The following ABCA13 variants were observed in gnomAD, a reference collection of about 807,000 sequenced individuals.
The protein encoded by ABCA13 is ATP binding cassette subfamily A member 13, also known as ATP-binding cassette sub-family A member 13.
A neutral mutation model predicts 478.7 loss-of-function variants in ABCA13; 476 were observed. The observed-to-expected ratio is 0.99, with a 90% CI of 0.92 to 1.07. The LOEUF (loss-of-function observed/expected upper bound fraction) is 1.07, where lower values mean the gene tolerates loss of function less well. ABCA13 is among the 50% of genes least tolerant of loss of function. The probability of loss-of-function intolerance (pLI) is 0.00; values close to 1 mark genes in which losing one functional copy is unlikely to be tolerated. For synonymous variants in ABCA13, 2,252 were observed against 2,158.9 expected, an observed-to-expected ratio of 1.04 and a Z score of -1.20; for missense variants, 6,060 against 5,910.6, an observed-to-expected ratio of 1.03 and a Z score of -0.83.
rs1465959879 is a variant in ABCA13, at chr7:48,646,670, T to C, written c.*1158T>C. 5 of 152,018 alleles carry C rather than the reference T, an allele frequency of 3.3e-5. No individual in the cohort carries two copies. Among genetic ancestry groups the C allele is most frequent in the South Asian group, 2.1e-4 (1 of 4,816 alleles). The allele number at this position is 152,018 out of a possible 1,614,324, so 9.4% of individuals were successfully genotyped here. On this transcript the variant is annotated 3_prime_UTR_variant, in exon 62 of 62. Transcript: ENST00000435803. ...CAGCAGCTGGGACTACAGGCACACA[T>C]CGCCACACCCGGCTAATTTTTAGTA...
At chr7:48,216,683 C>G (rs1055680841) in intron 3 of ABCA13, among the ~76,000 whole-genome samples, 12 of 152,082 alleles carry the variant, frequency 7.9e-5, no homozygotes, top group African/African-American at 2.4e-4. Context: ...TAAGGATTTC[C>G]TGCTATGTTT....
At chr7:48,234,196 A>T in intron 8 of ABCA13, 45 bp downstream of exon 8, 2 of 1,613,086 alleles carry the variant, frequency 1.2e-6, no homozygotes, top group South Asian at 1.1e-5. Context: ...CCTTTCCTGG[A>T]GACTGGATCT....
In ABCA13 at chr7:48,511,077, T is replaced by G; in HGVS notation, c.13525-7T>G. Reference sequence around the variant, plus strand: ...CAGCTCTCCCTTATTTCTTTTTATCTTCTCAGCTCTTTTACTTGGTTTCCG... The same window carrying G: ...CAGCTCTCCCTTATTTCTTTTTATCGTCTCAGCTCTTTTACTTGGTTTCCG... On this transcript the variant is annotated splice_polypyrimidine_tract_variant and splice_region_variant and intron_variant, in intron 50 of 61. Transcript: ENST00000435803. 6.2e-7 allele frequency: 1 copy of G among 1,609,180 alleles called. No homozygotes were observed. The highest frequency in any genetic ancestry group is 8.5e-7 in the Non-Finnish European group (1 of 1,175,618).
At chr7:48,454,617 G>A (rs1825434204) in intron 42 of ABCA13, among the ~76,000 whole-genome samples, 1 of 152,126 alleles carries the variant, frequency 6.6e-6, no homozygotes, top group Admixed American at 6.5e-5. Flanking sequence ...GTGGAACTGA[G>A]GAAAAGCAGG....
intron 42 of ABCA13, among the ~76,000 whole-genome samples, chr7:48,447,906 G>C (rs573676619): frequency 3.9e-5 from 6 of 152,272 alleles, no homozygotes; most frequent in African/African-American, 9.6e-5. Context: ...GGAACAGTGA[G>C]GGAGATGAAC....
chr7:48,531,854 C>T (rs1833261679), intron 55 of ABCA13, among the ~76,000 whole-genome samples: 1 of 150,768 alleles, frequency 6.6e-6, no homozygotes, highest in Non-Finnish European at 1.5e-5. Flanking sequence ...ATTTTGTGTC[C>T]TGAAACCTTG....
In ABCA13 at chr7:48,272,332, T is replaced by C. The variant is rs767075788; in HGVS notation, c.2666T>C (p.Ile889Thr). The C allele has an allele frequency of 5.6e-6, 9 of 1,613,652 alleles. No individual in the cohort carries two copies. The highest frequency in any genetic ancestry group is 4.5e-5 in the East Asian group (2 of 44,880). ...SDWPKSPAMN[I>T]DFVRLSEAII... is the part of the protein sequence containing the mutation. ...TGGCCTAAATCACCAGCTATGAACA[T>C]AGATTTTGTACGTTTAAGTGAGGCT... The change falls in exon 17 of 62, where the codon ATA becomes ACA. Residue 889 changes from isoleucine to threonine, a missense_variant. This residue lies in a region of ABCA13 where 4,423 missense variants were observed against 4,309.1 expected (regional missense o/e 1.03). Coordinates refer to ENST00000435803, the MANE Select transcript of ABCA13 (RefSeq NM_152701.5).
At chr7:48,514,050 T>A (rs1018697995) in intron 51 of ABCA13, among the ~76,000 whole-genome samples, 2 of 152,190 alleles carry the variant, frequency 1.3e-5, no homozygotes, top group African/African-American at 4.8e-5. Flanking sequence ...AGTAACTAGA[T>A]ACAGATCCTG....
chr7:48,370,072 T>C (rs534536294), intron 32 of ABCA13, among the ~76,000 whole-genome samples: 2 of 152,296 alleles, frequency 1.3e-5, no homozygotes, highest in East Asian at 1.9e-4. Flanking sequence ...CTTTTAACAG[T>C]GTTTTGTAGT....
intron 23 of ABCA13, among the ~76,000 whole-genome samples, chr7:48,304,783 A>T (rs757030833): frequency 4.6e-5 from 7 of 152,216 alleles, no homozygotes; most frequent in Non-Finnish European, 1.0e-4. Flanking sequence ...AATTTGAGAA[A>T]AAAAGGAACT....
At chr7:48,213,675 A>AG (rs1182619121) in intron 3 of ABCA13, among the ~76,000 whole-genome samples, 2 of 152,240 alleles carry the variant, frequency 1.3e-5, no homozygotes, top group Non-Finnish European at 2.9e-5. Flanking sequence ...ATTTACTTAC[A>AG]GTGGGACTTC....
intron 27 of ABCA13, among the ~76,000 whole-genome samples, chr7:48,330,654 T>C (rs1805228315): frequency 6.6e-6 from 1 of 150,588 alleles, no homozygotes; most frequent in Non-Finnish European, 1.5e-5. Context: ...TCCATCCATC[T>C]ATTCATTCAT....
rs186338228 is a variant in ABCA13, at chr7:48,363,119, C to T, written c.10689-4675C>T. 4.2e-4 allele frequency among the ~76,000 whole-genome samples: 64 copies of T among 152,184 alleles called. 1 individual carries two copies. The highest frequency in any genetic ancestry group is 1.9e-3 in the South Asian group (9 of 4,818). On this transcript the variant is annotated intron_variant, in intron 31 of 61. Transcript: ENST00000435803. ...CTGTAATTTACCAGTCATCATTTGG[C>T]GGGATGAAGTTTGCCATCTAGTAAT... is the stretch of plus-strand genomic sequence containing the variant.
intron 58 of ABCA13, among the ~76,000 whole-genome samples, chr7:48,608,721 G>C (rs924975385): frequency 6.6e-6 from 1 of 152,226 alleles, no homozygotes; most frequent in Non-Finnish European, 1.5e-5. Context: ...TAGGGAGAGT[G>C]GGGAGCAGCC....
At chr7:48,190,500 A>G (rs1300927650) in intron 1 of ABCA13, among the ~76,000 whole-genome samples, 1 of 152,190 alleles carries the variant, frequency 6.6e-6, no homozygotes, top group Admixed American at 6.5e-5. Flanking sequence ...TCCCAGTTGT[A>G]ATATTTCAAT....
At chr7:48,354,093 G>T (rs962779011) in intron 31 of ABCA13, among the ~76,000 whole-genome samples, 1 of 151,994 alleles carries the variant, frequency 6.6e-6, no homozygotes, top group Admixed American at 6.5e-5. Context: ...AAACACCTGA[G>T]AGCTCTGAGA....
At chr7:48,410,733 G>C in intron 40 of ABCA13, 56 bp downstream of exon 40, 1 of 1,568,632 alleles carries the variant, frequency 6.4e-7, no homozygotes. Context: ...TGTGGCATAA[G>C]AAACAAGTGG....
Position 48,366,894 on chromosome 7 carries a change from G to T in ABCA13, c.10689-900G>T, listed in dbSNP as rs372052892. On this transcript the variant is annotated intron_variant, in intron 31 of 61. Transcript: ENST00000435803. ...CTCTGTGTTTATTGGATTATTTTAT[G>T]TCCCCTCCCACCTTGCCGACACACT... Among the ~76,000 whole-genome samples the T allele has an allele frequency of 2.1e-4, 32 of 152,194 alleles. 1 individual carries two copies. The South Asian group carries it at 6.6e-3, about 32-fold the overall frequency.
chr7:48,276,436 T>A lies in ABCA13; in HGVS notation c.6770T>A (p.Leu2257Gln), dbSNP rs1309704041. The change falls in exon 17 of 62, where the codon CTG (leucine) becomes CAG (glutamine). Residue 2257 changes from leucine (L) to glutamine (Q), a missense_variant. Coordinates refer to ENST00000435803, the MANE Select transcript of ABCA13 (RefSeq NM_152701.5). ...ACTAGTAGGAAAACAGTTCTCTCTC[T>A]GAGAAGCATAGTAGATTTCACAGAA... Reference protein sequence around the residue: ...SETSRKTVLSLRSIVDFTEQF... With the variant: ...SETSRKTVLSQRSIVDFTEQF... The A allele has an allele frequency of 1.1e-5, 17 of 1,578,710 alleles. No individual in the cohort carries two copies. The highest frequency in any genetic ancestry group is 9.5e-6 in the Non-Finnish European group (11 of 1,164,008).
Sources: allele counts gnomAD v4.1 joint callset (sites outside exome capture counted in the v4.1 genomes callset), GRCh38; gene constraint gnomAD v4.1.1; regional missense constraint gnomAD v4.1.1; transcripts MANE v1.5; gene names NCBI Gene and HGNC (gene_info 2026-07-23, HGNC 2026-07-21).